Variants in ROR1 observed in about 807,000 individuals in gnomAD.
ROR1 encodes ROR family WNT receptor 1.
Under a neutral mutation model 78.8 loss-of-function variants are expected in ROR1, and 19 were observed. The ratio of observed to expected loss-of-function variants is 0.24; its 90% CI spans 0.17 to 0.35. The LOEUF (loss-of-function observed/expected upper bound fraction) is 0.35. Ranked by LOEUF, ROR1 falls within the 10% of genes least tolerant of loss-of-function variation. The pLI is 1.00. For missense variants in ROR1, 917 were observed against 1,177.8 expected (o/e 0.78, Z 3.24); for synonymous variants, 386 against 433.6 (o/e 0.89, Z 1.36).
In ROR1 at chr1:64,126,027, A is replaced by G. The variant is rs1444878253; in HGVS notation, c.483-11342A>G. Among the ~76,000 whole-genome samples, 4 of 152,210 alleles carry G rather than the reference A, an allele frequency of 2.6e-5. No individual in the cohort carries two copies. The East Asian group carries it at 7.7e-4, about 29-fold the overall frequency. ...ATAATTATACAGTGAAGGATGCTAG[A>G]GAGAACATATTTTCTCATGAACTAA... On this transcript the variant is annotated intron_variant, in intron 4 of 8. Coordinates refer to ENST00000371079, the MANE Select transcript of ROR1 (RefSeq NM_005012.4).
chr1:63,801,736 A>T (rs1644798589), intron 1 of ROR1, among the ~76,000 whole-genome samples: 2 of 152,334 alleles, frequency 1.3e-5, no homozygotes, highest in South Asian at 4.1e-4. Flanking sequence ...AGGTTAGTTA[A>T]AATAGGGAGT....
At chr1:63,900,433 AAC>A (rs1279186365) in intron 1 of ROR1, among the ~76,000 whole-genome samples, 1 of 143,474 alleles carries the variant, frequency 7.0e-6, no homozygotes, top group Non-Finnish European at 1.5e-5. Flanking sequence ...CAGCCTGGAC[AAC>A]AGAGTGAGAC....
intron 8 of ROR1, among the ~76,000 whole-genome samples, chr1:64,161,721 C>G (rs1192190289): frequency 6.6e-6 from 1 of 152,176 alleles, no homozygotes; most frequent in African/African-American, 2.4e-5. Context: ...AGGCTTAGAG[C>G]TTAGCCTTAA....
At chr1:63,924,582 C>T (rs1341493271) in intron 1 of ROR1, among the ~76,000 whole-genome samples, 2 of 152,102 alleles carry the variant, frequency 1.3e-5, no homozygotes, top group Non-Finnish European at 2.9e-5. Context: ...TTCATTCACT[C>T]GTTCAGTTAT....
At chr1:63,883,096 A>T (rs1361033579) in intron 1 of ROR1, among the ~76,000 whole-genome samples, 1 of 152,108 alleles carries the variant, frequency 6.6e-6, no homozygotes, top group Non-Finnish European at 1.5e-5. Context: ...GGCAAATAAT[A>T]AGTTTCCTGT....
chr1:63,804,744 A>C (rs1490228819), intron 1 of ROR1, among the ~76,000 whole-genome samples: 1 of 152,138 alleles, frequency 6.6e-6, no homozygotes, highest in African/African-American at 2.4e-5. Context: ...GGCTTATCTC[A>C]GTGCAGAGGG....
At chr1:64,096,442 A>C (rs1269565440) in intron 4 of ROR1, among the ~76,000 whole-genome samples, 1 of 152,046 alleles carries the variant, frequency 6.6e-6, no homozygotes, top group Non-Finnish European at 1.5e-5. Flanking sequence ...CCATGTGTCC[A>C]TGTGTTCTCA....
intron 1 of ROR1, among the ~76,000 whole-genome samples, chr1:63,836,371 C>T (rs1471396396): frequency 2.0e-5 from 3 of 152,112 alleles, no homozygotes; most frequent in African/African-American, 7.2e-5. Flanking sequence ...ATTTACGAAC[C>T]ATAAATAGTG....
intron 1 of ROR1, among the ~76,000 whole-genome samples, chr1:63,974,826 CTT>C (rs1402485434): frequency 6.6e-6 from 1 of 152,090 alleles, no homozygotes; most frequent in Non-Finnish European, 1.5e-5. Context: ...TTTCTCATAT[CTT>C]TCTCTGAGTT....
chr1:63,869,445 A>T (rs1645237611), intron 1 of ROR1, among the ~76,000 whole-genome samples: 1 of 152,116 alleles, frequency 6.6e-6, no homozygotes, highest in Admixed American at 6.5e-5. Flanking sequence ...AGTCCTTGAG[A>T]TGCTGTGCAC....
chr1:63,914,218 G>A (rs932124596), intron 1 of ROR1, among the ~76,000 whole-genome samples: 2 of 152,240 alleles, frequency 1.3e-5, no homozygotes, highest in Non-Finnish European at 2.9e-5. Context: ...GAAGCAAAGA[G>A]GAAAATGTTT....
intron 2 of ROR1, among the ~76,000 whole-genome samples, chr1:64,012,802 A>G (rs1303617406): frequency 1.3e-5 from 2 of 152,212 alleles, no homozygotes; most frequent in African/African-American, 4.8e-5. Context: ...AGATAATATG[A>G]CAAAAAAGGC....
At chr1:63,793,615 T>C (rs1007532580) in intron 1 of ROR1, among the ~76,000 whole-genome samples, 77 of 152,238 alleles carry the variant, frequency 5.1e-4, no homozygotes, top group African/African-American at 1.8e-3. Context: ...GGGACCTGGG[T>C]GCTTGCTCTA....
intron 1 of ROR1, among the ~76,000 whole-genome samples, chr1:63,964,499 G>A (rs1646058021): frequency 6.6e-6 from 1 of 152,078 alleles, no homozygotes; most frequent in African/African-American, 2.4e-5. Context: ...AAATCTTATT[G>A]TATGTCTAGA....
chr1:63,786,176 CTG>C (rs1457920351), intron 1 of ROR1, among the ~76,000 whole-genome samples: 1 of 149,342 alleles, frequency 6.7e-6, no homozygotes, highest in Non-Finnish European at 1.5e-5. Context: ...GGACTTAACA[CTG>C]ATTAGTCTTC....
chr1:63,965,740 A>G (rs1646069537), intron 1 of ROR1, among the ~76,000 whole-genome samples: 1 of 152,100 alleles, frequency 6.6e-6, no homozygotes, highest in African/African-American at 2.4e-5. Flanking sequence ...TTTTGATGAG[A>G]TTTATTGCTT....
At chr1:63,947,405 A>G (rs1313724066) in intron 1 of ROR1, among the ~76,000 whole-genome samples, 3 of 152,240 alleles carry the variant, frequency 2.0e-5, no homozygotes, top group Non-Finnish European at 2.9e-5. Context: ...AATGTCAGGA[A>G]GAAATTGCAT....
chr1:63,904,201 G>A (rs1645510911), intron 1 of ROR1, among the ~76,000 whole-genome samples: 1 of 152,168 alleles, frequency 6.6e-6, no homozygotes, highest in Non-Finnish European at 1.5e-5. Flanking sequence ...AGTGTTGTGT[G>A]CTTTTTGTGG....
chr1:63,858,358 G>A (rs1645161198), intron 1 of ROR1, among the ~76,000 whole-genome samples: 2 of 152,082 alleles, frequency 1.3e-5, no homozygotes, highest in South Asian at 2.1e-4. Flanking sequence ...GACTGGGGGT[G>A]GCTTTAACTA....
Sources: gnomAD v4.1 joint callset for allele counts (sites outside exome capture counted in the v4.1 genomes callset) on GRCh38, gnomAD v4.1.1 for gene constraint, MANE v1.5 for transcripts, NCBI Gene and HGNC (gene_info 2026-07-23, HGNC 2026-07-21) for gene names.